Variants in HOXC4 observed in about 807,000 individuals in gnomAD.
HOXC4 encodes the protein homeobox protein Hox-C4.
Under a neutral mutation model 25.5 loss-of-function variants are expected in HOXC4, and 15 were observed. That is an observed-to-expected ratio of 0.59 (90% CI 0.39 to 0.91). HOXC4 has a LOEUF of 0.91. Ranked by LOEUF, HOXC4 falls within the 40% of genes least tolerant of loss-of-function variation. The pLI, the probability that HOXC4 is intolerant of heterozygous loss-of-function variation, is 0.00. For missense variants in HOXC4, 342 were observed against 352.4 expected (o/e 0.97, Z 0.24); for synonymous variants, 165 against 148.0 (o/e 1.11, Z -0.83).
In HOXC4 at chr12:54,019,117, A is replaced by T. The variant is rs191302926; in HGVS notation, c.-124+1703A>T. ...GCTAAATTCCCCTTTCGCAGCCATC[A>T]TAAAGGCCTCTGAGGTATTCTCCCG... On this transcript the variant is annotated intron_variant, in intron 1 of 3. Coordinates refer to the HOXC4 transcript ENST00000303406. 3.7e-3 allele frequency among the ~76,000 whole-genome samples: 421 copies of T among 114,074 alleles called. 1 individual carries two copies. The Middle Eastern group carries it at 0.055, about 15-fold the overall frequency. The allele number at this position is 114,074 out of a possible 152,430, so 74.8% of individuals were successfully genotyped here. A position where few individuals can be genotyped will look rare whatever the true frequency, so the allele number is the denominator to read the frequency against.
At chr12:54,027,803 T>A (rs1940790162) in intron 1 of HOXC4, among the ~76,000 whole-genome samples, 1 of 152,236 alleles carries the variant, frequency 6.6e-6, no homozygotes, top group African/African-American at 2.4e-5. Flanking sequence ...CTTGCCCCTT[T>A]AGACCTAGTT....
intron 1 of HOXC4, among the ~76,000 whole-genome samples, chr12:54,048,815 G>A (rs1377546808): frequency 5.3e-5 from 8 of 152,062 alleles, no homozygotes; most frequent in African/African-American, 1.9e-4. Context: ...CCAGGCCAGG[G>A]ACCCCTCCAT....
intron 1 of HOXC4, chr12:54,028,994 G>T: frequency 6.9e-7 from 1 of 1,443,888 alleles, no homozygotes; most frequent in South Asian, 1.3e-5. Context: ...CTAGAAGAAC[G>T]GGCGGAGAGA....
intron 1 of HOXC4, chr12:54,033,371 A>G (rs1216042030): frequency 6.2e-7 from 1 of 1,612,848 alleles, no homozygotes; most frequent in Non-Finnish European, 8.5e-7. Flanking sequence ...CCGCTCCGGG[A>G]CACGCTCCGG....
chr12:54,031,236 G>C (rs1940973587), intron 1 of HOXC4, among the ~76,000 whole-genome samples: 1 of 152,178 alleles, frequency 6.6e-6, no homozygotes, highest in Non-Finnish European at 1.5e-5. Context: ...ACCCACTCCC[G>C]GGAGTTGGAG....
rs1470307385 is a variant in HOXC4 at position 54,055,707 on chromosome 12, T to G, written c.*502T>G. Reference sequence around the variant, plus strand: ...GGAGGTTAGTGAGGGGGAAGTCATTTTAAGGAGAACAAAGCTATGAAGTTC... The same window carrying G: ...GGAGGTTAGTGAGGGGGAAGTCATTGTAAGGAGAACAAAGCTATGAAGTTC... On this transcript the variant is annotated 3_prime_UTR_variant, in exon 2 of 2. Coordinates refer to ENST00000430889, the MANE Select transcript of HOXC4 (RefSeq NM_153633.3). 1 of 151,730 alleles carries G rather than the reference T, an allele frequency of 6.6e-6. No homozygotes were observed. The highest frequency in any genetic ancestry group is 6.6e-5 in the Admixed American group (1 of 15,182). The allele number at this position is 151,730 out of a possible 1,614,324, so 9.4% of individuals were successfully genotyped here. A position where few individuals can be genotyped will look rare whatever the true frequency, so the allele number is the denominator to read the frequency against.
At chr12:54,034,298 C>A in intron 1 of HOXC4, 1 of 1,613,922 alleles carries the variant, frequency 6.2e-7, no homozygotes, top group Non-Finnish European at 8.5e-7. Context: ...CAAGCGGTCC[C>A]GAACCAGTTA....
upstream of HOXC4, among the ~76,000 whole-genome samples, chr12:54,050,047 TC>T (rs912412998): frequency 4.8e-4 from 73 of 152,098 alleles, no homozygotes; most frequent in African/African-American, 1.8e-3. Flanking sequence ...CCCTTTGCCC[TC>T]CAAATCCTGA....
chr12:54,054,373 T>C lies in HOXC4; in HGVS notation c.439+12T>C. On this transcript the variant is annotated intron_variant, in intron 1 of 1. Transcript: ENST00000430889. ...TCACGTTAGCACGGGTAGGCAACTT[T>C]GCTTTTTGCTCCCCCCCTCCCTCCC... The C allele has an allele frequency of 6.6e-7, 1 of 1,516,496 alleles. No homozygotes were observed. The highest frequency in any genetic ancestry group is 1.3e-5 in the South Asian group (1 of 74,792). 93.9% of individuals were successfully genotyped at this position (1,516,496 alleles called of 1,614,324 possible). A position where few individuals can be genotyped will look rare whatever the true frequency, so the allele number is the denominator to read the frequency against.
intron 1 of HOXC4, among the ~76,000 whole-genome samples, chr12:54,027,106 T>G (rs1361065098): frequency 6.6e-6 from 1 of 152,240 alleles, no homozygotes; most frequent in Non-Finnish European, 1.5e-5. Context: ...CTGCACACTT[T>G]CCGCTGTTTC....
At chr12:54,048,876 G>C (rs1227575895), upstream of HOXC4, among the ~76,000 whole-genome samples, 1 of 152,146 alleles carries the variant, frequency 6.6e-6, no homozygotes, top group East Asian at 1.9e-4. Flanking sequence ...GCCACATTTA[G>C]GTTCCTTGAA....
intron 1 of HOXC4, among the ~76,000 whole-genome samples, chr12:54,031,001 G>T (rs377753939): frequency 2.6e-5 from 4 of 152,242 alleles, no homozygotes; most frequent in Admixed American, 2.6e-4. Context: ...GCACTGAGGG[G>T]CTGGGAGGCC....
At chr12:54,023,206 A>G (rs1227506240) in intron 1 of HOXC4, among the ~76,000 whole-genome samples, 2 of 152,182 alleles carry the variant, frequency 1.3e-5, no homozygotes, top group Non-Finnish European at 2.9e-5. Context: ...AAAGCCAGAA[A>G]TGATTTTTTC....
chr12:54,036,675 G>GCTCT (rs34092231), intron 1 of HOXC4, among the ~76,000 whole-genome samples: 1 of 150,400 alleles, frequency 6.6e-6, no homozygotes, highest in South Asian at 2.1e-4. Context: ...CCAGACCAGT[G>GCTCT]CTCTCTCTCT....
At chr12:54,028,476 A>C (rs773836609) in intron 1 of HOXC4, 2 of 1,577,340 alleles carry the variant, frequency 1.3e-6, no homozygotes, top group South Asian at 1.2e-5. Flanking sequence ...TGGAGACAGA[A>C]ATAAATATTA....
intron 1 of HOXC4, chr12:54,033,467 T>C (rs1307866950): frequency 6.9e-6 from 11 of 1,597,758 alleles, no homozygotes; most frequent in Non-Finnish European, 9.4e-6. Flanking sequence ...CTAAGAGCAG[T>C]GGGGAGATCA....
chr12:54,034,292 C>T (rs757137397), intron 1 of HOXC4: 4 of 1,613,682 alleles, frequency 2.5e-6, no homozygotes, highest in Non-Finnish European at 1.7e-6. Context: ...GGACGGCAAG[C>T]GGTCCCGAAC....
At position 54,041,107 on chromosome 12, in the gene HOXC4, C is replaced by T. The variant is rs567691144; in HGVS notation, c.-123-12053C>T. 3.3e-5 allele frequency among the ~76,000 whole-genome samples: 5 copies of T among 152,312 alleles called. No individual in the cohort carries two copies. In the East Asian group the frequency reaches 9.6e-4, roughly 29 times the overall value. On this transcript the variant is annotated intron_variant, in intron 1 of 3. Transcript: ENST00000303406. ...GATGATCCTATGTCCTGGCCAATAG[C>T]CATCAAAAGGTACAGCCACTGAAGG...
chr12:54,037,051 T>G (rs1270987288), intron 1 of HOXC4, among the ~76,000 whole-genome samples: 2 of 152,232 alleles, frequency 1.3e-5, no homozygotes. Context: ...GCTGAAGGTC[T>G]GACTCATTTT....
Sources: gnomAD v4.1 joint callset for allele counts (sites outside exome capture counted in the v4.1 genomes callset) on GRCh38, gnomAD v4.1.1 for gene constraint, MANE v1.5 for transcripts, NCBI Gene and HGNC (gene_info 2026-07-23, HGNC 2026-07-21) for gene names.